LYPLAL1: variants seen among roughly 807,000 people sequenced by gnomAD.
The protein encoded by LYPLAL1 is lysophospholipase-like protein 1.
Under a neutral mutation model 19.7 loss-of-function variants are expected in LYPLAL1, and 23 were observed. That is an observed-to-expected ratio of 1.17 (90% CI 0.84 to 1.65). The LOEUF is 1.65. Among genes scored for constraint, LYPLAL1 ranks in the 40% most tolerant of loss-of-function variants. The probability of loss-of-function intolerance (pLI) is 0.00; values close to 1 mark genes in which losing one functional copy is unlikely to be tolerated. For synonymous variants in LYPLAL1, 119 were observed against 96.3 expected, an observed-to-expected ratio of 1.24 and a Z score of -1.38; for missense variants, 355 against 279.4, an observed-to-expected ratio of 1.27 and a Z score of -1.93.
At chr1:219,334,446 C>A in the LYPLAL1 span, among the ~76,000 whole-genome samples, 1,091 of 151,702 alleles carry the variant, frequency 7.2e-3, 11 homozygotes, top group Middle Eastern at 0.037. Flanking sequence ...ATCTAGAATA[C>A]ATTTTCCTTT....
At chr1:219,419,548 A>AACACACAC in the LYPLAL1 span, among the ~76,000 whole-genome samples, 410 of 97,808 alleles carry the variant, frequency 4.2e-3, 9 homozygotes, top group African/African-American at 0.013. Flanking sequence ...GCCCTAGCCC[A>AACACACAC]ACACACACAC....
At chr1:219,248,631 A>G in the LYPLAL1 span, among the ~76,000 whole-genome samples, 1 of 152,060 alleles carries the variant, frequency 6.6e-6, no homozygotes, top group African/African-American at 2.4e-5. Flanking sequence ...GGTAACGATT[A>G]TTTCAGCCAT....
At chr1:219,330,868 C>T in the LYPLAL1 span, among the ~76,000 whole-genome samples, 1 of 152,164 alleles carries the variant, frequency 6.6e-6, no homozygotes, top group Middle Eastern at 3.2e-3. Flanking sequence ...TTGACCAAGG[C>T]TCTCTTTGGG....
At chr1:219,331,286 A>G in the LYPLAL1 span, among the ~76,000 whole-genome samples, 1 of 152,276 alleles carries the variant, frequency 6.6e-6, no homozygotes, top group East Asian at 1.9e-4. Flanking sequence ...TGCCACGTGT[A>G]TTAGACAATT....
chr1:219,193,259 C>T lies in LYPLAL1; in HGVS notation c.361+8C>T, dbSNP rs1657341589. 3 of 1,598,012 alleles carry T rather than the reference C, an allele frequency of 1.9e-6. No individual in the cohort carries two copies. The highest frequency in any genetic ancestry group is 2.6e-6 in the Non-Finnish European group (3 of 1,170,412). On this transcript the variant is annotated splice_region_variant and intron_variant, in intron 3 of 4. Transcript: ENST00000366928. ...AGAACAGGATATTAATAGGTAAGACCTTTAAATGTTGGTAATTTATCACTG... is the reference window on the plus strand; with the variant it reads ...AGAACAGGATATTAATAGGTAAGACTTTTAAATGTTGGTAATTTATCACTG...
chr1:219,345,799 G>A, the LYPLAL1 span, among the ~76,000 whole-genome samples: 1 of 152,154 alleles, frequency 6.6e-6, no homozygotes, highest in Non-Finnish European at 1.5e-5. Context: ...AGCATGGACA[G>A]GACATGGCTA....
the LYPLAL1 span, among the ~76,000 whole-genome samples, chr1:219,309,819 A>G: frequency 6.6e-6 from 1 of 152,144 alleles, no homozygotes; most frequent in Non-Finnish European, 1.5e-5. Flanking sequence ...CTAATACAAT[A>G]TTCATCTCAA....
chr1:219,417,508 G>T, the LYPLAL1 span, among the ~76,000 whole-genome samples: 5 of 152,322 alleles, frequency 3.3e-5, no homozygotes, highest in South Asian at 8.3e-4. Flanking sequence ...GTAAAAGGTT[G>T]TCCATGGTAT....
At chr1:219,305,789 T>A in the LYPLAL1 span, among the ~76,000 whole-genome samples, 2 of 152,158 alleles carry the variant, frequency 1.3e-5, no homozygotes, top group South Asian at 2.1e-4. Context: ...AAATCTAAAA[T>A]TGGAGGGGAA....
At chr1:219,264,957 T>C in the LYPLAL1 span, among the ~76,000 whole-genome samples, 3 of 152,250 alleles carry the variant, frequency 2.0e-5, no homozygotes, top group Non-Finnish European at 2.9e-5. Flanking sequence ...TAAAAATATC[T>C]AATTTATTTA....
chr1:219,404,751 TC>T, the LYPLAL1 span, among the ~76,000 whole-genome samples: 1 of 152,184 alleles, frequency 6.6e-6, no homozygotes, highest in Non-Finnish European at 1.5e-5. Flanking sequence ...GTTGTATATT[TC>T]AAAATAGCTG....
the LYPLAL1 span, among the ~76,000 whole-genome samples, chr1:219,252,355 T>G: frequency 6.6e-6 from 1 of 152,116 alleles, no homozygotes; most frequent in Non-Finnish European, 1.5e-5. Context: ...CCTTGTCTTG[T>G]CCCAGTTTTC....
chr1:219,274,758 G>T, the LYPLAL1 span, among the ~76,000 whole-genome samples: 1 of 152,148 alleles, frequency 6.6e-6, no homozygotes, highest in Non-Finnish European at 1.5e-5. Context: ...TCTATGCTGA[G>T]TTTTAAGGAT....
At chr1:219,258,357 A>G in the LYPLAL1 span, among the ~76,000 whole-genome samples, 1 of 152,066 alleles carries the variant, frequency 6.6e-6, no homozygotes, top group Non-Finnish European at 1.5e-5. Context: ...ACAAGAAATT[A>G]TAAGAGTATT....
chr1:219,187,954 TA>T (rs1656858507), intron 2 of LYPLAL1, among the ~76,000 whole-genome samples: 1 of 151,786 alleles, frequency 6.6e-6, no homozygotes, highest in African/African-American at 2.4e-5. Flanking sequence ...TATGATTTTT[TA>T]AAAAAGAAAC....
At position 219,173,977 on chromosome 1, in the gene LYPLAL1, C is replaced by G. The variant is rs750542258; in HGVS notation, c.87C>G (p.Gly29=). 2 of 1,614,102 alleles carry G rather than the reference C, an allele frequency of 1.2e-6. No homozygotes were observed. Among genetic ancestry groups the G allele is most frequent in the Non-Finnish European group, 8.5e-7 (1 of 1,179,984 alleles). The change falls in exon 1 of 5, where the codon GGC becomes GGG. Residue 29 remains glycine, a synonymous_variant. Coordinates refer to ENST00000366928, the MANE Select transcript of LYPLAL1 (RefSeq NM_138794.5). ...RHSASLIFLH[G]SGDSGQGLRM... is the part of the protein sequence containing the mutation. ...GCGCCTCTCTGATCTTCCTGCATGG[C>G]TCAGGTGGATTTCAATTTTACGTCC...
the LYPLAL1 span, among the ~76,000 whole-genome samples, chr1:219,311,372 T>A: frequency 1.3e-5 from 2 of 152,216 alleles, no homozygotes; most frequent in Non-Finnish European, 2.9e-5. Flanking sequence ...AATCTACTTT[T>A]CTGGAATGAC....
At chr1:219,375,453 T>C in the LYPLAL1 span, among the ~76,000 whole-genome samples, 16 of 127,956 alleles carry the variant, frequency 1.3e-4, no homozygotes, top group Non-Finnish European at 2.2e-4. Flanking sequence ...ATCGCAGCAC[T>C]GCACTCCAGC....
chr1:219,390,848 GT>G, the LYPLAL1 span, among the ~76,000 whole-genome samples: 1 of 152,092 alleles, frequency 6.6e-6, no homozygotes, highest in Non-Finnish European at 1.5e-5. Flanking sequence ...ATTTTGAGAA[GT>G]TTAAGATCTC....
Sources: gnomAD v4.1 joint callset for allele counts (sites outside exome capture counted in the v4.1 genomes callset) on GRCh38, gnomAD v4.1.1 for gene constraint, MANE v1.5 for transcripts, NCBI Gene and HGNC (gene_info 2026-07-23, HGNC 2026-07-21) for gene names.